Variants in PLCG2 observed in about 807,000 individuals in gnomAD.
The protein encoded by PLCG2 is 1-phosphatidylinositol 4,5-bisphosphate phosphodiesterase gamma-2.
In PLCG2, 69 loss-of-function variants were observed where a neutral mutation model predicts 175.6. That is an observed-to-expected ratio of 0.39 (90% CI 0.32 to 0.48). The LOEUF (loss-of-function observed/expected upper bound fraction) is 0.48. PLCG2 is among the 20% of genes least tolerant of loss of function. The pLI, the probability that PLCG2 is intolerant of heterozygous loss-of-function variation, is 0.91. For missense variants in PLCG2, 1,798 were observed against 1,650.9 expected (o/e 1.09, Z -1.54); for synonymous variants, 827 against 624.0 (o/e 1.33, Z -4.85).
intron 5 of PLCG2, among the ~76,000 whole-genome samples, chr16:81,860,163 ATTATTATTATT>A (rs1195409249): frequency 1.0e-5 from 1 of 97,026 alleles, no homozygotes; most frequent in Admixed American, 1.0e-4. Flanking sequence ...TATTATTATT[ATTATTATTATT>A]TTTTTTTTTT....
intron 27 of PLCG2, among the ~76,000 whole-genome samples, chr16:81,936,917 C>G (rs751211409): frequency 2.6e-5 from 4 of 152,158 alleles, no homozygotes; most frequent in Non-Finnish European, 5.9e-5. Context: ...ATGGAACAAT[C>G]ATTTATTTAA....
intron 2 of PLCG2, among the ~76,000 whole-genome samples, chr16:81,822,123 C>T (rs540462531): frequency 6.6e-6 from 1 of 152,232 alleles, no homozygotes; most frequent in Admixed American, 6.5e-5. Flanking sequence ...ATCCTCTGTG[C>T]TTGCCCTAGA....
intron 2 of PLCG2, among the ~76,000 whole-genome samples, chr16:81,849,066 C>G (rs930412611): frequency 6.6e-5 from 10 of 151,988 alleles, no homozygotes; most frequent in Non-Finnish European, 1.2e-4. Context: ...GTGGGTGGTG[C>G]AAGGGCTGGG....
At chr16:81,859,229 C>T in intron 5 of PLCG2, 66 bp downstream of exon 5, 3 of 1,048,428 alleles carry the variant, frequency 2.9e-6, no homozygotes, top group Non-Finnish European at 3.0e-6. Context: ...TTTAAACCTT[C>T]CAAGGGGGTG....
At chr16:81,940,413 G>T (rs937747169) in intron 30 of PLCG2, among the ~76,000 whole-genome samples, 1 of 152,134 alleles carries the variant, frequency 6.6e-6, no homozygotes, top group African/African-American at 2.4e-5. Flanking sequence ...CTGCTCTCTG[G>T]CTGGCAGTGT....
At chr16:81,897,110 A>C (rs1265009941) in intron 13 of PLCG2, among the ~76,000 whole-genome samples, 1 of 152,242 alleles carries the variant, frequency 6.6e-6, no homozygotes, top group African/African-American at 2.4e-5. Context: ...GCTGTGTTCC[A>C]GTTAAAACTT....
chr16:81,927,995 G>C (rs1451437743), intron 23 of PLCG2, among the ~76,000 whole-genome samples: 1 of 148,658 alleles, frequency 6.7e-6, no homozygotes, highest in Non-Finnish European at 1.5e-5. Flanking sequence ...GTTTGGGGTG[G>C]TGCAGGCAAG....
intron 2 of PLCG2, among the ~76,000 whole-genome samples, chr16:81,832,763 G>T (rs976356809): frequency 2.6e-5 from 4 of 152,346 alleles, no homozygotes; most frequent in African/African-American, 9.6e-5. Flanking sequence ...GACTGCGTGA[G>T]GATCAGATCC....
At chr16:81,860,086 T>G (rs1196649079) in intron 5 of PLCG2, among the ~76,000 whole-genome samples, 2 of 151,622 alleles carry the variant, frequency 1.3e-5, no homozygotes, top group Non-Finnish European at 2.9e-5. Context: ...TCCTCCCGCC[T>G]CAGCCTCCTG....
At chr16:81,940,764 G>A (rs1415483624) in intron 30 of PLCG2, among the ~76,000 whole-genome samples, 1 of 152,100 alleles carries the variant, frequency 6.6e-6, no homozygotes, top group Non-Finnish European at 1.5e-5. Context: ...TGCTTCTAGA[G>A]CCAGTCATTT....
chr16:81,818,016 A>ACT (rs368535941), intron 2 of PLCG2, among the ~76,000 whole-genome samples: 1 of 151,728 alleles, frequency 6.6e-6, no homozygotes, highest in Non-Finnish European at 1.5e-5. Context: ...GTTGTCATCT[A>ACT]CTCTCTGTTC....
chr16:81,801,758 G>A (rs1457449068), intron 2 of PLCG2, among the ~76,000 whole-genome samples: 2 of 151,798 alleles, frequency 1.3e-5, no homozygotes, highest in Admixed American at 6.6e-5. Flanking sequence ...TCAGCTCACT[G>A]CAACCTCCGC....
intron 19 of PLCG2, 91 bp downstream of exon 19, chr16:81,912,807 A>C (rs1597127520): frequency 1.2e-4 from 169 of 1,432,408 alleles, no homozygotes; most frequent in Non-Finnish European, 1.4e-4. Flanking sequence ...GTGGAGGCTC[A>C]CCTGCAGTGC....
chr16:81,828,558 T>G (rs1259468528), intron 2 of PLCG2, among the ~76,000 whole-genome samples: 1 of 152,134 alleles, frequency 6.6e-6, no homozygotes, highest in Non-Finnish European at 1.5e-5. Flanking sequence ...ATTTTTATTC[T>G]GTGCTGTGGT....
rs13335473 is a variant in PLCG2 at position 81,944,725 on chromosome 16, C to A, written c.3482-1450C>A. Among the ~76,000 whole-genome samples the A allele has an allele frequency of 6.0e-3, 911 of 152,264 alleles. 8 individuals are homozygous for A. Among genetic ancestry groups the A allele is most frequent in the African/African-American group, 0.021 (875 of 41,524 alleles). ...TCCTGGCTTCAAGTGATCCTCCTGC[C>A]TTGCCCTCCCCAAGTGCTAGGATTA... On this transcript the variant is annotated intron_variant, in intron 30 of 32. Transcript: ENST00000564138.
intron 2 of PLCG2, among the ~76,000 whole-genome samples, chr16:81,757,737 ACAT>A (rs1373530144): frequency 1.3e-5 from 2 of 152,162 alleles, no homozygotes; most frequent in Non-Finnish European, 2.9e-5. Context: ...CAGAGCACTG[ACAT>A]CATCACCACA....
At chr16:81,810,863 C>G (rs1904312330) in intron 2 of PLCG2, among the ~76,000 whole-genome samples, 1 of 152,070 alleles carries the variant, frequency 6.6e-6, no homozygotes, top group South Asian at 2.1e-4. Context: ...CAACATTGAT[C>G]AAATAATTTT....
intron 5 of PLCG2, among the ~76,000 whole-genome samples, chr16:81,867,595 C>A (rs1555514020): frequency 6.6e-6 from 1 of 152,222 alleles, no homozygotes; most frequent in Non-Finnish European, 1.5e-5. Context: ...TAGAACAACA[C>A]CTGTCACCTG....
intron 2 of PLCG2, among the ~76,000 whole-genome samples, chr16:81,845,113 AT>A (rs886960092): frequency 4.0e-5 from 6 of 150,506 alleles, no homozygotes; most frequent in African/African-American, 1.2e-4. Flanking sequence ...TATTTTTTGT[AT>A]TTTTTTTTAG....
Sources: allele counts gnomAD v4.1 joint callset (sites outside exome capture counted in the v4.1 genomes callset), GRCh38; gene constraint gnomAD v4.1.1; transcripts MANE v1.5; gene names NCBI Gene and HGNC (gene_info 2026-07-23, HGNC 2026-07-21).